Variants in C1orf159 observed in about 807,000 individuals in gnomAD.
C1orf159 encodes uncharacterized protein C1orf159.
A neutral mutation model predicts 25.6 loss-of-function variants in C1orf159; 19 were observed. That is an observed-to-expected ratio of 0.74 (90% CI 0.52 to 1.09). The LOEUF (loss-of-function observed/expected upper bound fraction) is 1.09. C1orf159 is among the 50% of genes least tolerant of loss of function. The probability of loss-of-function intolerance (pLI) is 0.00; values close to 1 mark genes in which losing one functional copy is unlikely to be tolerated. For missense variants in C1orf159, 274 were observed against 290.6 expected (o/e 0.94, Z 0.42); for synonymous variants, 139 against 124.7 (o/e 1.12, Z -0.77).
intron 1 of C1orf159, among the ~76,000 whole-genome samples, chr1:1,105,611 G>A (rs932678953): frequency 6.6e-6 from 1 of 152,198 alleles, no homozygotes; most frequent in Non-Finnish European, 1.5e-5. Context: ...ACCACGCATG[G>A]TGGCTCACAC....
intron 3 of C1orf159, 85 bp from the exon 4 acceptor site, chr1:1,090,513 G>A (rs1645911751): frequency 7.3e-7 from 1 of 1,360,626 alleles, no homozygotes; most frequent in Admixed American, 2.0e-5. Flanking sequence ...GGGGTGCCGT[G>A]GGAGCACATC....
chr1:1,090,679 T>TA (rs1324686192), intron 3 of C1orf159: 1 of 695,186 alleles, frequency 1.4e-6, no homozygotes, highest in Non-Finnish European at 2.5e-6. Context: ...CCTGGAAGAG[T>TA]AAACCACCCC....
At chr1:1,109,310 G>C (rs1646225999) in intron 1 of C1orf159, among the ~76,000 whole-genome samples, 1 of 152,238 alleles carries the variant, frequency 6.6e-6, no homozygotes, top group South Asian at 2.1e-4. Context: ...CTACTCATGA[G>C]GTTCCCAGGG....
intron 1 of C1orf159, among the ~76,000 whole-genome samples, chr1:1,106,486 A>G (rs371759155): frequency 9.9e-5 from 15 of 152,272 alleles, no homozygotes; most frequent in Admixed American, 2.6e-4. Context: ...AATTAAACAC[A>G]GAATTACTCT....
In C1orf159 at chr1:1,087,642, C is replaced by T. The variant is rs1384298167; in HGVS notation, c.149-45G>A. The T allele has an allele frequency of 2.2e-6, 3 of 1,385,198 alleles. No homozygotes were observed. The highest frequency in any genetic ancestry group is 2.0e-6 in the Non-Finnish European group (2 of 1,014,740). The allele number at this position is 1,385,198 out of a possible 1,614,324, so 85.8% of individuals were successfully genotyped here. Reference sequence around the variant, plus strand: ...GGCATGTCAGCCAAAGCAAAATCCACACCAGCTGGGTCTCCTGGGAATGAT... The same window carrying T: ...GGCATGTCAGCCAAAGCAAAATCCATACCAGCTGGGTCTCCTGGGAATGAT... On this transcript the variant is annotated intron_variant, in intron 4 of 9. Transcript: ENST00000421241. The surrounding 1 kb of genome is among the most constrained non-coding windows in gnomAD (Gnocchi z 8.3).
chr1:1,099,174 G>C (rs1256426291), intron 1 of C1orf159, among the ~76,000 whole-genome samples: 1 of 151,832 alleles, frequency 6.6e-6, no homozygotes, highest in East Asian at 1.9e-4. Flanking sequence ...GAATCGGAGA[G>C]AGATTAAAAT....
chr1:1,101,356 G>A (rs144023786), intron 1 of C1orf159, among the ~76,000 whole-genome samples: 9 of 152,260 alleles, frequency 5.9e-5, no homozygotes, highest in African/African-American at 1.9e-4. Context: ...GGTAGCACAC[G>A]CTTGTAGTCC....
intron 1 of C1orf159, among the ~76,000 whole-genome samples, chr1:1,113,785 G>C (rs1382929846): frequency 1.3e-5 from 2 of 152,220 alleles, no homozygotes; most frequent in Non-Finnish European, 2.9e-5. Context: ...CCACGCTGGA[G>C]GCTTCCGGGG....
Position 1,084,606 on chromosome 1 carries a change from C to T in C1orf159, c.446-100G>A, listed in dbSNP as rs184920447. On this transcript the variant is annotated intron_variant, in intron 7 of 9. Transcript: ENST00000421241. ...ACAGCAGAGCGAGGAGCTGCCTCAGCCTCAGCCCAGTGCGGCGTCCTCGGA... is the reference window on the plus strand; with the variant it reads ...ACAGCAGAGCGAGGAGCTGCCTCAGTCTCAGCCCAGTGCGGCGTCCTCGGA... 1.1e-3 allele frequency: 1,594 copies of T among 1,481,774 alleles called. 14 individuals are homozygous for T. The African/African-American group carries it at 0.02, about 18-fold the overall frequency. 91.8% of individuals were successfully genotyped at this position (1,481,774 alleles called of 1,614,324 possible). A position where few individuals can be genotyped will look rare whatever the true frequency, so the allele number is the denominator to read the frequency against.
intron 1 of C1orf159, among the ~76,000 whole-genome samples, chr1:1,102,921 C>A (rs764181032): frequency 1.3e-5 from 2 of 152,062 alleles, no homozygotes; most frequent in South Asian, 2.1e-4. Context: ...CCTCTGCCTC[C>A]TGGGCTCAAG....
chr1:1,114,609 C>T lies in C1orf159; in HGVS notation c.-136+1451G>A, dbSNP rs138286302. ...TGGCTTTTAGGAGGAGTACTGGGGG[C>T]GGGATGTGTGTCAGGAAAACAACGT... On this transcript the variant is annotated intron_variant, in intron 1 of 9. Coordinates refer to ENST00000421241, the MANE Select transcript of C1orf159 (RefSeq NM_017891.5). Among the ~76,000 whole-genome samples, 6 of 152,172 alleles carry T rather than the reference C, an allele frequency of 3.9e-5. No individual in the cohort carries two copies. In the East Asian group the frequency reaches 9.7e-4, roughly 24 times the overall value.
At chr1:1,096,597 A>G (rs9651271) in intron 1 of C1orf159, among the ~76,000 whole-genome samples, 1 of 152,168 alleles carries the variant, frequency 6.6e-6, no homozygotes, top group Non-Finnish European at 1.5e-5. Flanking sequence ...GTTCTCCGGT[A>G]ATTAATTCAA....
chr1:1,084,033 G>A, intron 9 of C1orf159: 1 of 1,607,638 alleles, frequency 6.2e-7, no homozygotes. Context: ...GGAGGAGCAG[G>A]TATTGGGGGT....
intron 3 of C1orf159, 111 bp downstream of exon 3, chr1:1,091,360 TG>T: frequency 9.5e-7 from 1 of 1,047,250 alleles, no homozygotes. Context: ...CCTCTGGGGC[TG>T]GGACATCAGT....
chr1:1,090,465 C>T (rs1336362968), intron 3 of C1orf159, 37 bp from the exon 4 acceptor site: 5 of 1,546,936 alleles, frequency 3.2e-6, no homozygotes, highest in Non-Finnish European at 3.5e-6. Flanking sequence ...CAGGACGCGC[C>T]TGCCAGGCAG....
At chr1:1,091,628 G>A (rs1645938064) in intron 2 of C1orf159, 63 bp from the exon 3 acceptor site, 5 of 1,219,552 alleles carry the variant, frequency 4.1e-6, no homozygotes, top group Admixed American at 2.0e-5. Flanking sequence ...GGGTGGGTGG[G>A]GCCAAATGAA....
chr1:1,084,004 G>T (rs765344600), intron 9 of C1orf159: 1 of 1,605,110 alleles, frequency 6.2e-7, no homozygotes, highest in Non-Finnish European at 8.5e-7. Context: ...GTCTGTCCTC[G>T]GGTGGAGCTG....
At chr1:1,092,430 C>G (rs1311396499) in intron 1 of C1orf159, 2 of 157,352 alleles carry the variant, frequency 1.3e-5, no homozygotes, top group Non-Finnish European at 2.8e-5. Context: ...CACAAACCCC[C>G]TCTCTCCCCC....
In C1orf159 at chr1:1,089,072, A is replaced by G. The variant is rs1645883280; in HGVS notation, c.148+1281T>C. The stretch of plus-strand genomic sequence containing the variant: ...ACACCAGCGCAGCACTGTCCCCAGA[A>G]GTGCCCGCTGCCTCCCCGAGCGGAG... On this transcript the variant is annotated intron_variant, in intron 4 of 9. Coordinates refer to ENST00000421241, the MANE Select transcript of C1orf159 (RefSeq NM_017891.5). This position sits in a 1 kb window ranked among gnomAD's most constrained non-coding sequence, Gnocchi z 7.5. Among the ~76,000 whole-genome samples the G allele has an allele frequency of 6.6e-6, 1 of 152,198 alleles. No homozygotes were observed. The highest frequency in any genetic ancestry group is 1.5e-5 in the Non-Finnish European group (1 of 68,008).
Sources: gnomAD v4.1 joint callset for allele counts (sites outside exome capture counted in the v4.1 genomes callset) on GRCh38, gnomAD v4.1.1 for gene constraint, Gnocchi (gnomAD v3.1) non-coding constraint, MANE v1.5 for transcripts, NCBI Gene and HGNC (gene_info 2026-07-23, HGNC 2026-07-21) for gene names.